The following GREM2 variants were observed in gnomAD, a reference collection of about 807,000 sequenced individuals.
GREM2 encodes gremlin 2, DAN family BMP antagonist.
GREM2 carries 11 observed loss-of-function variants against 14.2 expected under a neutral mutation model. The observed-to-expected ratio is 0.78, with a 90% CI of 0.49 to 1.28. The LOEUF is 1.28. Among genes scored for constraint, GREM2 ranks in the 50% most tolerant of loss-of-function variants. The probability of loss-of-function intolerance (pLI) is 0.00; values close to 1 mark genes in which losing one functional copy is unlikely to be tolerated. For missense variants in GREM2, 210 were observed against 218.5 expected (o/e 0.96, Z 0.24); for synonymous variants, 98 against 97.6 (o/e 1.00, Z -0.02).
At chr1:240,592,201 T>C (rs181759883) in intron 1 of GREM2, among the ~76,000 whole-genome samples, 4 of 151,638 alleles carry the variant, frequency 2.6e-5, no homozygotes, top group Non-Finnish European at 5.9e-5. Flanking sequence ...AGTGAAATAT[T>C]ACTAATTAGC....
chr1:240,547,270 G>A (rs767383049), intron 1 of GREM2, among the ~76,000 whole-genome samples: 2 of 152,016 alleles, frequency 1.3e-5, no homozygotes, highest in Non-Finnish European at 1.5e-5. Context: ...GGAGGCCGAG[G>A]TGGGCGGATC....
chr1:240,589,938 G>A (rs1397130089), intron 1 of GREM2, among the ~76,000 whole-genome samples: 1 of 152,108 alleles, frequency 6.6e-6, no homozygotes, highest in Non-Finnish European at 1.5e-5. Context: ...GGGGAAGGAG[G>A]AGAAAGGACC....
chr1:240,560,851 T>C (rs1460741557), intron 1 of GREM2, among the ~76,000 whole-genome samples: 1 of 152,124 alleles, frequency 6.6e-6, no homozygotes, highest in African/African-American at 2.4e-5. Context: ...CTTATAAATA[T>C]CTGGTGATCC....
chr1:240,602,422 C>T (rs1679941967), intron 1 of GREM2, among the ~76,000 whole-genome samples: 1 of 152,046 alleles, frequency 6.6e-6, no homozygotes, highest in South Asian at 2.1e-4. Flanking sequence ...GTGACCTCTA[C>T]AGGGACATTT....
chr1:240,552,548 T>C (rs904853910), intron 1 of GREM2, among the ~76,000 whole-genome samples: 1 of 152,200 alleles, frequency 6.6e-6, no homozygotes, highest in Non-Finnish European at 1.5e-5. Context: ...CGAGCTGTGA[T>C]CGGGCCACTG....
chr1:240,496,570 C>T (rs529553513), intron 1 of GREM2, among the ~76,000 whole-genome samples: 3 of 152,300 alleles, frequency 2.0e-5, no homozygotes, highest in East Asian at 1.9e-4. Flanking sequence ...TATCATCTAA[C>T]GAGATAGTAT....
chr1:240,553,225 A>G lies in GREM2; in HGVS notation c.-2+58659T>C, dbSNP rs1300281912. ...TTTTATCGAGAGCGTTAGCATGAGC[A>G]GAAGAAAGGTATTTCCAGCCTTATC... On this transcript the variant is annotated intron_variant, in intron 1 of 1. Coordinates refer to ENST00000318160, the MANE Select transcript of GREM2 (RefSeq NM_022469.4). Among the ~76,000 whole-genome samples, 7 of 152,342 alleles carry G rather than the reference A, an allele frequency of 4.6e-5. No homozygotes were observed. In the East Asian group the frequency reaches 7.7e-4, roughly 17 times the overall value.
chr1:240,569,744 CAT>C (rs1489721218), intron 1 of GREM2, among the ~76,000 whole-genome samples: 16 of 152,166 alleles, frequency 1.1e-4, no homozygotes, highest in African/African-American at 3.9e-4. Context: ...ATAAAACTCA[CAT>C]AAGAAAAAGA....
intron 1 of GREM2, among the ~76,000 whole-genome samples, chr1:240,577,434 T>G (rs1168655215): frequency 6.6e-6 from 1 of 152,244 alleles, no homozygotes; most frequent in Non-Finnish European, 1.5e-5. Context: ...AAATATGTTG[T>G]GCCACTCTTG....
chr1:240,604,309 A>ATG (rs61016634), intron 1 of GREM2, among the ~76,000 whole-genome samples: 13,081 of 116,580 alleles, frequency 0.11, 907 homozygotes, highest in African/African-American at 0.2. Context: ...AACTATACGT[A>ATG]TGTGTGTGTG....
intron 1 of GREM2, among the ~76,000 whole-genome samples, chr1:240,595,322 C>T (rs910545197): frequency 6.6e-6 from 1 of 152,154 alleles, no homozygotes; most frequent in African/African-American, 2.4e-5. Flanking sequence ...CAGAGTGAGA[C>T]TCAGTCTCAA....
intron 1 of GREM2, among the ~76,000 whole-genome samples, chr1:240,578,626 A>C (rs1343419204): frequency 6.6e-6 from 1 of 151,836 alleles, no homozygotes; most frequent in Non-Finnish European, 1.5e-5. Context: ...CTCTACCAAA[A>C]ATACAAAAAT....
At chr1:240,567,684 A>G (rs959219497) in intron 1 of GREM2, among the ~76,000 whole-genome samples, 6 of 152,236 alleles carry the variant, frequency 3.9e-5, no homozygotes, top group African/African-American at 1.4e-4. Context: ...TCTAAAGGAA[A>G]TGATATTAGG....
At chr1:240,586,709 T>G (rs935207587) in intron 1 of GREM2, among the ~76,000 whole-genome samples, 8 of 152,342 alleles carry the variant, frequency 5.3e-5, no homozygotes, top group East Asian at 3.9e-4. Flanking sequence ...GGTGTCACCC[T>G]GGTACCTCGG....
intron 1 of GREM2, among the ~76,000 whole-genome samples, chr1:240,583,625 C>T (rs984929381): frequency 5.4e-5 from 8 of 147,698 alleles, no homozygotes; most frequent in South Asian, 2.1e-4. Flanking sequence ...TTTTTTTAGA[C>T]GGAATCTCAC....
intron 1 of GREM2, among the ~76,000 whole-genome samples, chr1:240,529,554 A>G (rs773289549): frequency 1.3e-5 from 2 of 152,184 alleles, no homozygotes; most frequent in Non-Finnish European, 2.9e-5. Flanking sequence ...GTTATACAAT[A>G]TGACAAGTAA....
At chr1:240,611,811 C>T (rs1364978129) in intron 1 of GREM2, 73 bp downstream of exon 1, 4 of 152,640 alleles carry the variant, frequency 2.6e-5, no homozygotes, top group Non-Finnish European at 5.9e-5. Flanking sequence ...AACGTCAATT[C>T]ATTCTAAGTG....
At chr1:240,529,629 A>G (rs978964116) in intron 1 of GREM2, among the ~76,000 whole-genome samples, 2 of 152,186 alleles carry the variant, frequency 1.3e-5, no homozygotes, top group Non-Finnish European at 2.9e-5. Flanking sequence ...GAACCCTCTT[A>G]ATCATGAAAT....
At chr1:240,544,135 T>C (rs1678660604) in intron 1 of GREM2, among the ~76,000 whole-genome samples, 1 of 151,068 alleles carries the variant, frequency 6.6e-6, no homozygotes, top group South Asian at 2.1e-4. Flanking sequence ...GCATAGATTA[T>C]ATGCAAGCAC....
Sources: allele counts gnomAD v4.1 joint callset (sites outside exome capture counted in the v4.1 genomes callset), GRCh38; gene constraint gnomAD v4.1.1; transcripts MANE v1.5; gene names NCBI Gene and HGNC (gene_info 2026-07-23, HGNC 2026-07-21).